The following POR variants were observed in gnomAD, a reference collection of about 807,000 sequenced individuals.
The protein encoded by POR is cytochrome p450 oxidoreductase.
Under a neutral mutation model 84.0 loss-of-function variants are expected in POR, and 56 were observed. The observed-to-expected ratio is 0.67, with a 90% CI of 0.54 to 0.83. The LOEUF (loss-of-function observed/expected upper bound fraction) is 0.83. POR is among the 40% of genes least tolerant of loss of function. POR has a pLI of 0.00. For missense variants in POR, 938 were observed against 944.3 expected, an observed-to-expected ratio of 0.99 and a Z score of 0.09; for synonymous variants, 414 against 400.5, an observed-to-expected ratio of 1.03 and a Z score of -0.40.
chr7:75,981,452 GCACCAGGTACCGTTGC>G (rs1789035716), intron 6 of POR, 49 bp from the exon 7 acceptor site: 1 of 1,474,598 alleles, frequency 6.8e-7, no homozygotes, highest in South Asian at 1.2e-5. Context: ...GGCGTGCCTG[GCACCAGGTACCGTTGC>G]CACATGGGCC....
At chr7:75,982,980 C>G (rs1554558357) in intron 8 of POR, among the ~76,000 whole-genome samples, 1 of 152,208 alleles carries the variant, frequency 6.6e-6, no homozygotes, top group African/African-American at 2.4e-5. Flanking sequence ...AGGGGCCAGC[C>G]TCAGTTTCCA....
At chr7:75,929,764 T>C (rs1807320224) in intron 1 of POR, among the ~76,000 whole-genome samples, 1 of 152,206 alleles carries the variant, frequency 6.6e-6, no homozygotes, top group African/African-American at 2.4e-5. Context: ...AGGAAGCCAC[T>C]GACCAATACC....
chr7:75,951,565 G>A (rs919263575), intron 1 of POR, among the ~76,000 whole-genome samples: 7 of 152,138 alleles, frequency 4.6e-5, no homozygotes, highest in African/African-American at 1.7e-4. Flanking sequence ...ACCCTCGGAT[G>A]CCCTGGCTTC....
chr7:75,941,463 C>T lies in POR; in HGVS notation c.-4-12526C>T, dbSNP rs568814355. Among the ~76,000 whole-genome samples, 31 of 152,226 alleles carry T rather than the reference C, an allele frequency of 2.0e-4. No homozygotes were observed. The South Asian group carries it at 5.2e-3, about 25-fold the overall frequency. ...CTGAGTCCTGGGAGGTCAAGTAACC[C>T]GTTCAGACTCCCACAACCAGAGCCT... On this transcript the variant is annotated intron_variant, in intron 1 of 15. Coordinates refer to ENST00000461988, the MANE Select transcript of POR (RefSeq NM_000941.3).
chr7:75,953,198 A>T (rs1787528296), intron 1 of POR, among the ~76,000 whole-genome samples: 1 of 151,932 alleles, frequency 6.6e-6, no homozygotes, highest in Admixed American at 6.6e-5. Flanking sequence ...GCGCGCCTGC[A>T]ATCGCAGGCA....
At chr7:75,917,365 G>A (rs1806619759) in intron 1 of POR, among the ~76,000 whole-genome samples, 1 of 150,632 alleles carries the variant, frequency 6.6e-6, no homozygotes, top group South Asian at 2.1e-4. Flanking sequence ...ACCGTTCCTG[G>A]CTTTCTTATT....
rs1554558554 is a variant in POR, at chr7:75,983,839, C to A, written c.1049C>A (p.Ser350Tyr). 6.2e-7 allele frequency: 1 copy of A among 1,608,722 alleles called. No homozygotes were observed. The highest frequency in any genetic ancestry group is 1.7e-5 in the Admixed American group (1 of 59,476). ...GGTGCCGACCTGGACGTCGTCATGT[C>A]CCTGAACAACCTGGATGGTGAGTGC... is the stretch of plus-strand genomic sequence containing the variant. The change falls in exon 10 of 16, where the codon TCC becomes TAC. Residue 350 changes from serine (S) to tyrosine (Y), a missense_variant. Physicochemically the swap from Ser to Tyr is moderately radical, Grantham distance 144. Transcript: ENST00000461988.
chr7:75,957,274 C>G (rs1162877455), intron 2 of POR, among the ~76,000 whole-genome samples: 1 of 152,114 alleles, frequency 6.6e-6, no homozygotes, highest in Non-Finnish European at 1.5e-5. Context: ...AAAGGTAGAG[C>G]CACACCCTGA....
At position 75,923,484 on chromosome 7, in the gene POR, A is replaced by G. The variant is rs151001867; in HGVS notation, c.-5+8305A>G. 1,696 of 505,294 alleles carry G rather than the reference A, an allele frequency of 3.4e-3. 16 individuals carry two copies. Among genetic ancestry groups the G allele is most frequent in the Middle Eastern group, 0.014 (26 of 1,794 alleles). The allele number at this position is 505,294 out of a possible 1,614,324, so 31.3% of individuals were successfully genotyped here. A position where few individuals can be genotyped will look rare whatever the true frequency, so the allele number is the denominator to read the frequency against. ...AACTACAGTAAATTTTTATCAATGA[A>G]CTGGAAGCTTGTGTTATTTTTGGGG... is the stretch of plus-strand genomic sequence containing the variant. On this transcript the variant is annotated intron_variant, in intron 1 of 15. Coordinates refer to ENST00000461988, the MANE Select transcript of POR (RefSeq NM_000941.3).
chr7:75,952,457 G>A (rs1277233886), intron 1 of POR, among the ~76,000 whole-genome samples: 4 of 147,122 alleles, frequency 2.7e-5, no homozygotes, highest in Non-Finnish European at 6.0e-5. Context: ...CTGGCCGGGC[G>A]GGGGCTGACC....
At chr7:75,950,743 G>A (rs1438657739) in intron 1 of POR, among the ~76,000 whole-genome samples, 1 of 152,222 alleles carries the variant, frequency 6.6e-6, no homozygotes, top group Non-Finnish European at 1.5e-5. Context: ...GGGGACAACA[G>A]AATTCACTTT....
At position 75,986,220 on chromosome 7, in the gene POR, G is replaced by A. The variant is rs1480320068; in HGVS notation, c.1877G>A (p.Gly626Asp). The change falls in exon 15 of 16, where the codon GGT (glycine) becomes GAT (aspartate). Residue 626 changes from glycine to aspartate, a missense_variant. Transcript: ENST00000461988. ...CACCTGTGGAAGTTGATCGAAGGCG[G>A]TGCCCACATCTACGTCTGTGGGTGA... The A allele has an allele frequency of 2.5e-6, 4 of 1,612,582 alleles. No homozygotes were observed. Among genetic ancestry groups the A allele is most frequent in the Non-Finnish European group, 3.4e-6 (4 of 1,179,816 alleles).
intron 2 of POR, 37 bp from the exon 3 acceptor site, chr7:75,972,376 C>T: frequency 6.3e-7 from 1 of 1,589,388 alleles, no homozygotes; most frequent in Non-Finnish European, 8.6e-7. Context: ...CCCATGACAC[C>T]TGCCTCCCAC....
intron 3 of POR, among the ~76,000 whole-genome samples, chr7:75,977,965 C>A (rs1788774763): frequency 6.6e-6 from 1 of 152,174 alleles, no homozygotes; most frequent in African/African-American, 2.4e-5. Flanking sequence ...CCCCAACGGG[C>A]TCTGGGGAAT....
At chr7:75,961,147 T>C (rs7783635) in intron 2 of POR, among the ~76,000 whole-genome samples, 62,157 of 151,402 alleles carry the variant, frequency 0.41, 13,704 homozygotes, top group African/African-American at 0.57. Flanking sequence ...GCAGGAGAAT[T>C]GCTTGAATCC....
intron 1 of POR, among the ~76,000 whole-genome samples, chr7:75,933,229 G>A (rs1223037378): frequency 6.6e-6 from 1 of 151,890 alleles, no homozygotes; most frequent in African/African-American, 2.4e-5. Context: ...TTGAAGTCTG[G>A]TAGAATGGCT....
chr7:75,954,024 C>T lies in POR; in HGVS notation c.32C>T (p.Thr11Ile). Residue 11 changes from threonine to isoleucine, a missense_variant, in exon 2 of 16, where the codon ACC (threonine) becomes ATC (isoleucine). Coordinates refer to ENST00000461988, the MANE Select transcript of POR (RefSeq NM_000941.3). ...AACATGGGAGACTCCCACGTGGACACCAGCTCCACCGTGTCCGAGGCGGTG... is the reference window on the plus strand; with the variant it reads ...AACATGGGAGACTCCCACGTGGACATCAGCTCCACCGTGTCCGAGGCGGTG... 6.2e-7 allele frequency: 1 copy of T among 1,606,924 alleles called. No homozygotes were observed. The highest frequency in any genetic ancestry group is 8.5e-7 in the Non-Finnish European group (1 of 1,176,516).
chr7:75,973,880 A>G (rs1788555694), intron 3 of POR, among the ~76,000 whole-genome samples: 1 of 151,494 alleles, frequency 6.6e-6, no homozygotes, highest in African/African-American at 2.4e-5. Flanking sequence ...GGGTTTCACC[A>G]TGTTGACCAG....
At chr7:75,958,749 G>A (rs1402402111) in intron 2 of POR, among the ~76,000 whole-genome samples, 1 of 152,002 alleles carries the variant, frequency 6.6e-6, no homozygotes, top group Non-Finnish European at 1.5e-5. Context: ...GGAGGCTGAG[G>A]CACAAAGATT....
Sources: allele counts gnomAD v4.1 joint callset (sites outside exome capture counted in the v4.1 genomes callset), GRCh38; gene constraint gnomAD v4.1.1; transcripts MANE v1.5; gene names NCBI Gene and HGNC (gene_info 2026-07-23, HGNC 2026-07-21).